Variants in KIAA0319L observed in about 807,000 individuals in gnomAD.
The protein encoded by KIAA0319L is KIAA0319 like, also known as dyslexia-associated protein KIAA0319-like protein.
A neutral mutation model predicts 120.1 loss-of-function variants in KIAA0319L; 55 were observed. The ratio of observed to expected loss-of-function variants is 0.46; its 90% CI spans 0.37 to 0.57. The LOEUF (loss-of-function observed/expected upper bound fraction) is 0.57. Among genes scored for constraint, KIAA0319L ranks in the 20% least tolerant of loss-of-function variants. KIAA0319L has a pLI of 0.00. For missense variants in KIAA0319L, 1,049 were observed against 1,255.3 expected, an observed-to-expected ratio of 0.84 and a Z score of 2.48; for synonymous variants, 398 against 471.9, an observed-to-expected ratio of 0.84 and a Z score of 2.03.
At chr1:35,446,285 C>T (rs1641617487) in intron 16 of KIAA0319L, among the ~76,000 whole-genome samples, 1 of 152,114 alleles carries the variant, frequency 6.6e-6, no homozygotes, top group Admixed American at 6.6e-5. Context: ...ATTACCCATC[C>T]CCTATCTCCA....
At chr1:35,508,616 AC>A (rs1397552608) in intron 2 of KIAA0319L, among the ~76,000 whole-genome samples, 1 of 152,054 alleles carries the variant, frequency 6.6e-6, no homozygotes, top group Non-Finnish European at 1.5e-5. Context: ...GATGAAGAAT[AC>A]CAACTACGAA....
intron 2 of KIAA0319L, among the ~76,000 whole-genome samples, chr1:35,522,690 C>A (rs1327467062): frequency 7.9e-5 from 12 of 151,952 alleles, no homozygotes; most frequent in Admixed American, 7.9e-4. Flanking sequence ...AGGCCTCTTA[C>A]AATGAAAACC....
At chr1:35,463,833 A>C (rs1643067412) in intron 7 of KIAA0319L, among the ~76,000 whole-genome samples, 1 of 152,112 alleles carries the variant, frequency 6.6e-6, no homozygotes, top group South Asian at 2.1e-4. Context: ...AGGTGATTAA[A>C]TTATGGGGGT....
At position 35,453,695 on chromosome 1, in the gene KIAA0319L, A is replaced by T. The variant is rs1276109927; in HGVS notation, c.1781-6T>A. The T allele has an allele frequency of 6.2e-7, 1 of 1,612,274 alleles. No individual in the cohort carries two copies. Among genetic ancestry groups the T allele is most frequent in the East Asian group, 2.2e-5 (1 of 44,862 alleles). The stretch of plus-strand genomic sequence containing the variant: ...CTGAGGAGGCTTATTGTTTTCTGGA[A>T]GACAAAGAGTTAGAGGTCAAAAGCA... On this transcript the variant is annotated splice_polypyrimidine_tract_variant and splice_region_variant and intron_variant, in intron 11 of 20. Transcript: ENST00000325722. This position sits in a 1 kb window ranked among gnomAD's most constrained non-coding sequence, Gnocchi z 4.1.
In KIAA0319L at chr1:35,462,624, T is replaced by G. The variant is rs1558349258; in HGVS notation, c.1291A>C (p.Ser431Arg). Residue 431 changes from serine to arginine, a missense_variant, in exon 8 of 21, where the codon AGT becomes CGT. Transcript: ENST00000325722. ...LPTTSTVIDG[S>R]QSTDDDKIVQ... is the part of the protein sequence containing the mutation. Reference sequence around the variant, plus strand: ...TCATACTTAGACAAGTACTCACGACTGCCATCAATGACTGTAGAAGTGGTT... The same window carrying G: ...TCATACTTAGACAAGTACTCACGACGGCCATCAATGACTGTAGAAGTGGTT... 6.2e-7 allele frequency: 1 copy of G among 1,607,560 alleles called. No individual in the cohort carries two copies.
At chr1:35,462,031 G>A (rs1392198451) in intron 8 of KIAA0319L, among the ~76,000 whole-genome samples, 2 of 152,110 alleles carry the variant, frequency 1.3e-5, no homozygotes, top group African/African-American at 2.4e-5. Flanking sequence ...CTGGTGAGAG[G>A]ATAGGTCTGA....
In KIAA0319L at chr1:35,451,693, G is replaced by A; in HGVS notation, c.1997C>T (p.Thr666Ile). The A allele has an allele frequency of 1.9e-6, 3 of 1,614,082 alleles. No homozygotes were observed. Among genetic ancestry groups the A allele is most frequent in the Non-Finnish European group, 2.5e-6 (3 of 1,180,000 alleles). The change falls in exon 13 of 21, where the codon ACC becomes ATC. Residue 666 changes from threonine to isoleucine, a missense_variant. Transcript: ENST00000325722. The part of the protein sequence containing the change: ...TGLQVGTYVF[T>I]LTVKDERNLQ... ...GTTCCTCTCATCTTTGACAGTCAAG[G>A]TGAACACATAGGTCCCCACTTGCAG...
rs181897400 is a variant in KIAA0319L at position 35,490,418 on chromosome 1, T to C, written c.667-11206A>G. On this transcript the variant is annotated intron_variant, in intron 3 of 20. Transcript: ENST00000325722. ...CAAAGCTCAAGAATATTCATAGTGA[T>C]ACAAAAATATCCAACACCCCAGTAG... 4.7e-4 allele frequency among the ~76,000 whole-genome samples: 72 copies of C among 152,244 alleles called. 1 individual carries two copies. The East Asian group carries it at 0.012, about 26-fold the overall frequency.
chr1:35,479,049 A>T lies in KIAA0319L; in HGVS notation c.830T>A (p.Val277Asp). Reference sequence around the variant, plus strand: ...GTAGGAGGGAGCCACTGGCTGGGGGACAGCAATCTGGGTTTTCTCAGAACT... The same window carrying T: ...GTAGGAGGGAGCCACTGGCTGGGGGTCAGCAATCTGGGTTTTCTCAGAACT... ...VKSSEKTQIA[V>D]PQPVAPSYSY... The change falls in exon 4 of 21, where the codon GTC becomes GAC. Residue 277 changes from valine (V) to aspartate (D), a missense_variant. Coordinates refer to ENST00000325722, the MANE Select transcript of KIAA0319L (RefSeq NM_024874.5). 3 of 1,614,064 alleles carry T rather than the reference A, an allele frequency of 1.9e-6. No individual in the cohort carries two copies. Among genetic ancestry groups the T allele is most frequent in the Non-Finnish European group, 2.5e-6 (3 of 1,180,010 alleles).
intron 2 of KIAA0319L, among the ~76,000 whole-genome samples, chr1:35,527,153 G>A (rs952630302): frequency 3.4e-5 from 5 of 148,990 alleles, no homozygotes; most frequent in Non-Finnish European, 5.9e-5. Context: ...ATAATCACAC[G>A]GTTTTTGTCC....
intron 2 of KIAA0319L, among the ~76,000 whole-genome samples, chr1:35,517,725 T>C (rs758469301): frequency 2.6e-5 from 4 of 152,204 alleles, no homozygotes; most frequent in East Asian, 1.9e-4. Context: ...ACAAATGGGA[T>C]CTAATTAAAC....
rs79964101 is a variant in KIAA0319L at position 35,437,065 on chromosome 1, C to G, written c.2963-1984G>C. ...CGAACCTGAGCGGGCTCTCCCAGCT[C>G]CCTTCGGTAGACACTGCCCACAAGA... On this transcript the variant is annotated intron_variant, in intron 20 of 20. Transcript: ENST00000325722. The surrounding 1 kb of genome is among the most constrained non-coding windows in gnomAD (Gnocchi z 4.1). Among the ~76,000 whole-genome samples the G allele has an allele frequency of 7.7e-3, 1,170 of 152,280 alleles. 14 individuals carry two copies. The highest frequency in any genetic ancestry group is 0.027 in the African/African-American group (1,123 of 41,554).
rs1294998795 is a variant in KIAA0319L at position 35,460,410 on chromosome 1, T to C, written c.1322A>G (p.Gln441Arg). The change falls in exon 9 of 21, where the codon CAG (glutamine) becomes CGG (arginine). Residue 441 changes from glutamine to arginine, a missense_variant. Physicochemically the swap from Gln to Arg is conservative, Grantham distance 43. Transcript: ENST00000325722. ...SQSTDDDKIVQYHWEELKGPL... is the reference protein window; with the variant it reads ...SQSTDDDKIVRYHWEELKGPL... Reference sequence around the variant, plus strand: ...CCCCTTAAGTTCTTCCCAATGGTACTGAACGATTTTATCATCATCAGTGCT... The same window carrying C: ...CCCCTTAAGTTCTTCCCAATGGTACCGAACGATTTTATCATCATCAGTGCT... 7 of 1,612,986 alleles carry C rather than the reference T, an allele frequency of 4.3e-6. No individual in the cohort carries two copies. Among genetic ancestry groups the C allele is most frequent in the East Asian group, 2.2e-5 (1 of 44,842 alleles).
chr1:35,515,263 G>A (rs1270557005), intron 2 of KIAA0319L, among the ~76,000 whole-genome samples: 2 of 148,926 alleles, frequency 1.3e-5, no homozygotes, highest in African/African-American at 5.0e-5. Flanking sequence ...AGTGAGCTGA[G>A]ATCGTGCCAT....
chr1:35,489,824 G>T (rs1168764577), intron 3 of KIAA0319L, among the ~76,000 whole-genome samples: 1 of 151,820 alleles, frequency 6.6e-6, no homozygotes, highest in Non-Finnish European at 1.5e-5. Context: ...CTGCCACTGT[G>T]CCCGGCTAAT....
chr1:35,551,954 T>A (rs1197086723), intron 2 of KIAA0319L, among the ~76,000 whole-genome samples: 1 of 152,076 alleles, frequency 6.6e-6, no homozygotes, highest in Non-Finnish European at 1.5e-5. Flanking sequence ...AAGTGCTAGA[T>A]TGGAAAGCAC....
intron 3 of KIAA0319L, among the ~76,000 whole-genome samples, chr1:35,495,636 T>G (rs1196305648): frequency 4.6e-5 from 7 of 151,950 alleles, no homozygotes; most frequent in African/African-American, 7.2e-5. Context: ...TTTTTGTTTG[T>G]TTGGTTTTGT....
chr1:35,456,815 A>G (rs572282888), intron 9 of KIAA0319L, among the ~76,000 whole-genome samples: 1 of 150,882 alleles, frequency 6.6e-6, no homozygotes, highest in East Asian at 2.0e-4. Context: ...CATTTAAAAA[A>G]AAAAAGAAAA....
At position 35,460,385 on chromosome 1, in the gene KIAA0319L, C is replaced by T. The variant is rs1348720888; in HGVS notation, c.1347G>A (p.Gly449=). The T allele has an allele frequency of 2.5e-6, 4 of 1,611,496 alleles. No homozygotes were observed. The highest frequency in any genetic ancestry group is 3.4e-6 in the Non-Finnish European group (4 of 1,177,686). Residue 449 remains glycine, a synonymous_variant, in exon 9 of 21, where the codon GGG becomes GGA. Coordinates refer to ENST00000325722, the MANE Select transcript of KIAA0319L (RefSeq NM_024874.5). The part of the protein sequence containing the change: ...IVQYHWEELK[G]PLREEKISED... ...CAGAAATCTTCTCTTCTCTTAGAGG[C>T]CCCTTAAGTTCTTCCCAATGGTACT...
Sources: gnomAD v4.1 joint callset for allele counts (sites outside exome capture counted in the v4.1 genomes callset) on GRCh38, gnomAD v4.1.1 for gene constraint, Gnocchi (gnomAD v3.1) non-coding constraint, MANE v1.5 for transcripts, NCBI Gene and HGNC (gene_info 2026-07-23, HGNC 2026-07-21) for gene names.